Variants in WASHC2A observed in about 807,000 individuals in gnomAD.
The protein encoded by WASHC2A is WASH complex subunit FAM21A.
A neutral mutation model predicts 140.3 loss-of-function variants in WASHC2A; 82 were observed. The observed-to-expected ratio is 0.58, with a 90% CI of 0.49 to 0.70. WASHC2A has a LOEUF of 0.70. WASHC2A is among the 30% of genes least tolerant of loss of function. The pLI, the probability that WASHC2A is intolerant of heterozygous loss-of-function variation, is 0.00. For missense variants in WASHC2A, 985 were observed against 1,521.8 expected, an observed-to-expected ratio of 0.65 and a Z score of 5.87; for synonymous variants, 340 against 560.8, an observed-to-expected ratio of 0.61 and a Z score of 5.56.
chr10:50,107,737 C>T (rs1841929966), intron 19 of WASHC2A, among the ~76,000 whole-genome samples: 1 of 149,630 alleles, frequency 6.7e-6, no homozygotes, highest in African/African-American at 2.5e-5. Flanking sequence ...GCCTAACCAA[C>T]ATGGAGAAAC....
At position 50,110,225 on chromosome 10, in the gene WASHC2A, T is replaced by C. The variant is rs1589250754; in HGVS notation, c.1994T>C (p.Phe665Ser). ...AAGGCTGTGAAAAAGACCAGTCTCT[T>C]TGAGGAAGACGAAGAAGATGATCTT... The part of the protein sequence containing the change: ...EAKAVKKTSL[F>S]EEDEEDDLFA... Residue 665 changes from phenylalanine (F) to serine (S), a missense_variant, in exon 20 of 31, where the codon TTT (phenylalanine) becomes TCT (serine). By Grantham distance (155) the Phe-to-Ser change is radical. Coordinates refer to ENST00000282633, the MANE Select transcript of WASHC2A (RefSeq NM_001005751.3). The C allele has an allele frequency of 6.2e-7, 1 of 1,611,840 alleles. No individual in the cohort carries two copies. The highest frequency in any genetic ancestry group is 8.5e-7 in the Non-Finnish European group (1 of 1,179,820).
At position 50,106,281 on chromosome 10, in the gene WASHC2A, C is replaced by A. The variant is rs1190667780; in HGVS notation, c.1738-53C>A. ...TTAAAGTTTGATATAGGAGGACATC[C>A]TATGTTTTCTGATTATAAAGTTGTC... On this transcript the variant is annotated intron_variant, in intron 18 of 30. Coordinates refer to ENST00000282633, the MANE Select transcript of WASHC2A (RefSeq NM_001005751.3). 3 of 1,535,124 alleles carry A rather than the reference C, an allele frequency of 2.0e-6. No homozygotes were observed. The African/African-American group carries it at 4.1e-5, about 21-fold the overall frequency.
chr10:50,130,819 T>A (rs1421573962), intron 29 of WASHC2A, 82 bp from the exon 30 acceptor site: 5 of 1,597,060 alleles, frequency 3.1e-6, no homozygotes, highest in Non-Finnish European at 4.3e-6. Context: ...GCCAATTGTA[T>A]TTCCATAGCT....
rs1365491193 is a variant in WASHC2A, at chr10:50,130,898, A to G, written c.3709-3A>G. 6 of 1,600,570 alleles carry G rather than the reference A, an allele frequency of 3.7e-6. No individual in the cohort carries two copies. Among genetic ancestry groups the G allele is most frequent in the Admixed American group, 3.6e-5 (2 of 55,828 alleles). ...ATTTTGTATGTATTTTTGGCTTAACAAGGATGATATATTTGCTACGGAAGC... is the reference window on the plus strand; with the variant it reads ...ATTTTGTATGTATTTTTGGCTTAACGAGGATGATATATTTGCTACGGAAGC... On this transcript the variant is annotated splice_polypyrimidine_tract_variant and splice_region_variant and intron_variant, in intron 29 of 30. Transcript: ENST00000282633.
intron 16 of WASHC2A, among the ~76,000 whole-genome samples, chr10:50,099,203 G>A (rs1246164589): frequency 6.6e-6 from 1 of 150,914 alleles, no homozygotes; most frequent in Non-Finnish European, 1.5e-5. Flanking sequence ...CCGATTTTTA[G>A]TATTGCTTTG....
In WASHC2A at chr10:50,098,469, A is replaced by T. The variant is rs550183643; in HGVS notation, c.1548+667A>T. On this transcript the variant is annotated intron_variant, in intron 16 of 30. Transcript: ENST00000282633. The stretch of plus-strand genomic sequence containing the variant: ...GCGTTTGCCTTCCTGTGAGAATCTG[A>T]TGCTGCCACTGATCTGACAGGAGGA... Among the ~76,000 whole-genome samples, 10 of 127,788 alleles carry T rather than the reference A, an allele frequency of 7.8e-5. No homozygotes were observed. In the South Asian group the frequency reaches 2.8e-3, roughly 35 times the overall value. 83.8% of individuals were successfully genotyped at this position (127,788 alleles called of 152,430 possible).
chr10:50,074,603 G>A (rs1476345036), intron 3 of WASHC2A, among the ~76,000 whole-genome samples: 2 of 152,224 alleles, frequency 1.3e-5, no homozygotes, highest in Admixed American at 6.5e-5. Flanking sequence ...CATTTCCCAT[G>A]CAGACATCAG....
In WASHC2A at chr10:50,087,365, T is replaced by C. The variant is rs1219423235; in HGVS notation, c.732+43T>C. 5.6e-6 allele frequency: 9 copies of C among 1,613,056 alleles called. No individual in the cohort carries two copies. In the African/African-American group the frequency reaches 1.2e-4, roughly 22 times the overall value. The stretch of plus-strand genomic sequence containing the variant: ...AAATGACTTTGTTTTTACATTTTAA[T>C]TGAAGCATAGTATATATACTAATAT... On this transcript the variant is annotated intron_variant, in intron 8 of 30. Coordinates refer to ENST00000282633, the MANE Select transcript of WASHC2A (RefSeq NM_001005751.3).
At chr10:50,131,977 A>G (rs903421356) in intron 30 of WASHC2A, among the ~76,000 whole-genome samples, 124 of 152,276 alleles carry the variant, frequency 8.1e-4, no homozygotes, top group Non-Finnish European at 1.6e-3. Flanking sequence ...AGTGATATTA[A>G]TATATGTTTG....
intron 3 of WASHC2A, among the ~76,000 whole-genome samples, chr10:50,072,971 A>G (rs535808954): frequency 6.6e-6 from 1 of 152,294 alleles, no homozygotes; most frequent in East Asian, 1.9e-4. Flanking sequence ...TATATTATAA[A>G]GTTAGTGAAA....
chr10:50,095,034 G>C, intron 13 of WASHC2A, 114 bp from the exon 14 acceptor site: 3 of 1,578,120 alleles, frequency 1.9e-6, no homozygotes, highest in Non-Finnish European at 2.6e-6. Context: ...AGGAAAAAGT[G>C]GTTTCAAAAG....
At chr10:50,109,248 G>A (rs1416702375) in intron 19 of WASHC2A, among the ~76,000 whole-genome samples, 2 of 152,268 alleles carry the variant, frequency 1.3e-5, no homozygotes, top group East Asian at 3.9e-4. Flanking sequence ...GATTTGAAGG[G>A]GTGTGAGCAT....
At chr10:50,109,237 T>C (rs1842055528) in intron 19 of WASHC2A, among the ~76,000 whole-genome samples, 1 of 152,228 alleles carries the variant, frequency 6.6e-6, no homozygotes. Flanking sequence ...GGGAGTTCTT[T>C]GATTTGAAGG....
chr10:50,081,931 C>T (rs1589163571), intron 5 of WASHC2A, among the ~76,000 whole-genome samples: 1 of 152,184 alleles, frequency 6.6e-6, no homozygotes, highest in African/African-American at 2.4e-5. Flanking sequence ...CCGCACCCAG[C>T]CTGAACCACT....
At chr10:50,113,545 G>C (rs1401826138) in intron 20 of WASHC2A, among the ~76,000 whole-genome samples, 1 of 151,918 alleles carries the variant, frequency 6.6e-6, no homozygotes, top group African/African-American at 2.4e-5. Context: ...AGGCCTGTCC[G>C]CTTTGATTCT....
intron 23 of WASHC2A, among the ~76,000 whole-genome samples, chr10:50,123,075 TAAAA>T (rs551046816): frequency 8.3e-6 from 1 of 120,366 alleles, no homozygotes; most frequent in African/African-American, 3.4e-5. Context: ...AGGACCATAA[TAAAA>T]AAAAAAAAAA....
rs879977175 is a variant in WASHC2A, at chr10:50,089,721, G to A, written c.733-1055G>A. On this transcript the variant is annotated intron_variant, in intron 8 of 30. Transcript: ENST00000282633. ...ACCTACCTTGGATGGCTCTCTAGTC[G>A]TTACAGCTTTTACCTTTTAACTATT... Among the ~76,000 whole-genome samples, 245 of 151,950 alleles carry A rather than the reference G, an allele frequency of 1.6e-3. 3 individuals are homozygous for A. The highest frequency in any genetic ancestry group is 0.014 in the Middle Eastern group (4 of 292).
At chr10:50,086,670 C>T (rs1423254537) in intron 7 of WASHC2A, among the ~76,000 whole-genome samples, 1 of 134,778 alleles carries the variant, frequency 7.4e-6, no homozygotes, top group African/African-American at 2.8e-5. Context: ...TGTTCAATTC[C>T]CACCTATGAG....
intron 14 of WASHC2A, 96 bp downstream of exon 14, chr10:50,095,303 A>C (rs1297766447): frequency 1.4e-5 from 15 of 1,080,322 alleles, no homozygotes; most frequent in Non-Finnish European, 1.7e-5. Context: ...GAGATGAGGA[A>C]GTACCTGGGA....
Sources: gnomAD v4.1 joint callset for allele counts (sites outside exome capture counted in the v4.1 genomes callset) on GRCh38, gnomAD v4.1.1 for gene constraint, MANE v1.5 for transcripts, NCBI Gene and HGNC (gene_info 2026-07-23, HGNC 2026-07-21) for gene names.